MAF: variants seen among roughly 807,000 people sequenced by gnomAD.
MAF encodes transcription factor Maf.
MAF carries 10 observed loss-of-function variants against 22.0 expected under a neutral mutation model. That is an observed-to-expected ratio of 0.45 (90% CI 0.28 to 0.77). The LOEUF is 0.77. MAF is among the 30% of genes least tolerant of loss of function. The pLI is 0.12. For missense variants in MAF, 544 were observed against 548.4 expected (o/e 0.99, Z 0.08); for synonymous variants, 337 against 255.8 (o/e 1.32, Z -3.03).
At chr16:79,579,250 A>C in the MAF span, among the ~76,000 whole-genome samples, 2 of 152,238 alleles carry the variant, frequency 1.3e-5, no homozygotes, top group African/African-American at 4.8e-5. Context: ...ACAAATTAGA[A>C]GTTCATTAAA....
the MAF span, among the ~76,000 whole-genome samples, chr16:79,559,783 A>G: frequency 2.8e-4 from 42 of 152,174 alleles, no homozygotes; most frequent in Non-Finnish European, 4.1e-4. Context: ...GATTCTATCA[A>G]TTTATTGTTT....
At chr16:79,483,255 C>T in the MAF span, among the ~76,000 whole-genome samples, 1 of 35,680 alleles carries the variant, frequency 2.8e-5, no homozygotes, top group African/African-American at 1.3e-4. Flanking sequence ...TCTCCCCTCC[C>T]CCGTCCCTCC....
the MAF span, among the ~76,000 whole-genome samples, chr16:79,314,445 G>T: frequency 6.6e-6 from 1 of 152,168 alleles, no homozygotes; most frequent in African/African-American, 2.4e-5. Context: ...GAGGCAGCTG[G>T]CCAGATGTCC....
chr16:79,331,000 A>G, the MAF span, among the ~76,000 whole-genome samples: 2 of 152,340 alleles, frequency 1.3e-5, no homozygotes, highest in Admixed American at 1.3e-4. Flanking sequence ...AGCCATGTAA[A>G]GCTGTAAAAC....
downstream of MAF, among the ~76,000 whole-genome samples, chr16:79,591,248 A>G (rs1205148393): frequency 1.3e-5 from 2 of 152,192 alleles, no homozygotes; most frequent in Admixed American, 6.5e-5. Flanking sequence ...ACTGGTCTGC[A>G]GCTCACACCA....
At chr16:79,594,902 A>C (rs1913422024) in intron 1 of MAF, 1 of 1,188,350 alleles carries the variant, frequency 8.4e-7, no homozygotes, top group Non-Finnish European at 1.0e-6. Flanking sequence ...ATTATATTCA[A>C]CTACCTTGTA....
chr16:79,274,114 C>T, the MAF span, among the ~76,000 whole-genome samples: 1 of 152,024 alleles, frequency 6.6e-6, no homozygotes, highest in Non-Finnish European at 1.5e-5. Flanking sequence ...GCCACCATGA[C>T]TGGTTAATTT....
At chr16:79,337,784 G>A in the MAF span, among the ~76,000 whole-genome samples, 2 of 152,280 alleles carry the variant, frequency 1.3e-5, no homozygotes, top group South Asian at 4.1e-4. Context: ...GATCCTATCG[G>A]ACAGTGCTCT....
the MAF span, among the ~76,000 whole-genome samples, chr16:79,279,764 G>T: frequency 2.0e-5 from 3 of 152,142 alleles, no homozygotes; most frequent in African/African-American, 7.2e-5. Context: ...CAGAGCTGCT[G>T]CTGCTTCTTT....
chr16:79,344,928 A>G, the MAF span, among the ~76,000 whole-genome samples: 3 of 152,246 alleles, frequency 2.0e-5, no homozygotes, highest in Admixed American at 6.5e-5. Context: ...TCTTTTGTGA[A>G]GAATGTAATT....
At chr16:79,277,320 G>T in the MAF span, among the ~76,000 whole-genome samples, 1 of 152,164 alleles carries the variant, frequency 6.6e-6, no homozygotes, top group Non-Finnish European at 1.5e-5. Flanking sequence ...CTTTTGGGGG[G>T]TGCCCATTCC....
the MAF span, among the ~76,000 whole-genome samples, chr16:79,519,451 A>G: frequency 6.6e-6 from 1 of 152,194 alleles, no homozygotes; most frequent in Non-Finnish European, 1.5e-5. Context: ...AACCCAGAAC[A>G]CGTTTCCAGG....
At chr16:79,343,615 A>C in the MAF span, among the ~76,000 whole-genome samples, 95 of 152,286 alleles carry the variant, frequency 6.2e-4, 2 homozygotes, top group Non-Finnish European at 4.4e-4. Flanking sequence ...GACATGCCTA[A>C]AGTGATTGTC....
the MAF span, among the ~76,000 whole-genome samples, chr16:79,433,281 T>A: frequency 0.072 from 10,179 of 141,808 alleles, 432 homozygotes; most frequent in East Asian, 0.12. Flanking sequence ...AAAAAAAATA[T>A]ATATATATAT....
chr16:79,302,558 C>T, the MAF span, among the ~76,000 whole-genome samples: 234 of 152,318 alleles, frequency 1.5e-3, 2 homozygotes, highest in Admixed American at 0.014. Context: ...TCCAAGAAAA[C>T]GCTTCTTCTT....
the MAF span, among the ~76,000 whole-genome samples, chr16:79,410,937 G>T: frequency 0.63 from 95,638 of 151,782 alleles, 31,154 homozygotes; most frequent in East Asian, 0.9. Flanking sequence ...TCCAGGGAGG[G>T]GGGACCTGAC....
At chr16:79,437,156 G>C in the MAF span, among the ~76,000 whole-genome samples, 1 of 31,156 alleles carries the variant, frequency 3.2e-5, no homozygotes, top group Non-Finnish European at 9.8e-5. Flanking sequence ...CTGTGTGTGT[G>C]TGTGTGTGTG....
chr16:79,372,101 A>G, the MAF span, among the ~76,000 whole-genome samples: 1 of 148,634 alleles, frequency 6.7e-6, no homozygotes. Flanking sequence ...CCCAAGTGCA[A>G]TGCCAGTTTC....
chr16:79,482,020 T>C, the MAF span, among the ~76,000 whole-genome samples: 1 of 152,078 alleles, frequency 6.6e-6, no homozygotes, highest in Admixed American at 6.5e-5. Context: ...AAGCAAAAAC[T>C]GCTGGGTCAT....
Sources: allele counts gnomAD v4.1 joint callset (sites outside exome capture counted in the v4.1 genomes callset), GRCh38; gene constraint gnomAD v4.1.1; transcripts MANE v1.5; gene names NCBI Gene and HGNC (gene_info 2026-07-23, HGNC 2026-07-21).